KIF18A: variants seen among roughly 807,000 people sequenced by gnomAD.
KIF18A encodes the protein kinesin family member 18A, also known as kinesin-like protein KIF18A.
A neutral mutation model predicts 103.3 loss-of-function variants in KIF18A; 67 were observed. The ratio of observed to expected loss-of-function variants is 0.65; its 90% CI spans 0.53 to 0.79. The LOEUF is 0.79. Among genes scored for constraint, KIF18A ranks in the 30% least tolerant of loss-of-function variants. The pLI is 0.00. For missense variants in KIF18A, 1,032 were observed against 1,062.5 expected (o/e 0.97, Z 0.40); for synonymous variants, 367 against 355.5 (o/e 1.03, Z -0.36).
rs749791296 is a variant in KIF18A, at chr11:28,035,349, A to G, written c.2504+38T>C. 17 of 1,104,560 alleles carry G rather than the reference A, an allele frequency of 1.5e-5. No homozygotes were observed. The South Asian group carries it at 2.5e-4, about 16-fold the overall frequency. The allele number at this position is 1,104,560 out of a possible 1,614,324, so 68.4% of individuals were successfully genotyped here. A position where few individuals can be genotyped will look rare whatever the true frequency, so the allele number is the denominator to read the frequency against. On this transcript the variant is annotated intron_variant, in intron 15 of 16. Coordinates refer to ENST00000263181, the MANE Select transcript of KIF18A (RefSeq NM_031217.4). ...ATATAATATATAAAGATTATCTTAT[A>G]TAACTACAGAACCAAACCAGTTTAT...
chr11:28,068,220 A>T (rs1422647900), intron 11 of KIF18A, among the ~76,000 whole-genome samples: 1 of 152,118 alleles, frequency 6.6e-6, no homozygotes, highest in Non-Finnish European at 1.5e-5. Flanking sequence ...GAGTTGAACA[A>T]TGAGAACACA....
intron 12 of KIF18A, among the ~76,000 whole-genome samples, chr11:28,059,418 A>G (rs887271077): frequency 6.6e-6 from 1 of 151,958 alleles, no homozygotes; most frequent in Non-Finnish European, 1.5e-5. Context: ...TTGAGGGCTA[A>G]ATGAGTTAAG....
chr11:28,092,744 T>C (rs1851322305), intron 3 of KIF18A, among the ~76,000 whole-genome samples: 1 of 152,228 alleles, frequency 6.6e-6, no homozygotes. Flanking sequence ...CTCATAGTGA[T>C]AATTCATTGC....
chr11:28,025,258 A>C (rs1179988444), intron 15 of KIF18A, among the ~76,000 whole-genome samples: 1 of 152,086 alleles, frequency 6.6e-6, no homozygotes, highest in Non-Finnish European at 1.5e-5. Flanking sequence ...CAACTACAGT[A>C]GTCCCCACTT....
chr11:28,046,739 GA>G (rs11431907), intron 13 of KIF18A, among the ~76,000 whole-genome samples: 8 of 131,486 alleles, frequency 6.1e-5, no homozygotes, highest in African/African-American at 1.1e-4. Context: ...GAAATTAAAT[GA>G]AAAAAAAAAA....
At position 28,036,221 on chromosome 11, in the gene KIF18A, G is replaced by T. The variant is rs748304631; in HGVS notation, c.2392C>A (p.Gln798Lys). Residue 798 changes from glutamine (Q) to lysine (K), a missense_variant, in exon 14 of 17, where the codon CAA becomes AAA. Gln to Lys is a moderately conservative substitution (Grantham distance 53). Transcript: ENST00000263181. ...GCAAATATTATTTTTTTGTACCGTT[G>T]TAAAATGTCTTTGTTATCATTTGGT... The part of the protein sequence containing the change: ...SLPNDNKDIL[Q>K]RLDPSSFSTK... The T allele has an allele frequency of 1.9e-6, 3 of 1,566,326 alleles. No individual in the cohort carries two copies. The highest frequency in any genetic ancestry group is 2.4e-5 in the South Asian group (2 of 84,470).
At chr11:28,043,868 T>G (rs1431954241) in intron 13 of KIF18A, among the ~76,000 whole-genome samples, 1 of 151,648 alleles carries the variant, frequency 6.6e-6, no homozygotes. Context: ...CATTTGATTA[T>G]TTTATATAAT....
intron 15 of KIF18A, among the ~76,000 whole-genome samples, chr11:28,031,340 G>T (rs1053755316): frequency 7.2e-4 from 109 of 152,158 alleles, no homozygotes; most frequent in African/African-American, 2.3e-3. Flanking sequence ...CACCATGGAA[G>T]ACTATGCAGC....
intron 13 of KIF18A, among the ~76,000 whole-genome samples, chr11:28,042,470 T>C (rs907536719): frequency 6.6e-6 from 1 of 151,976 alleles, no homozygotes; most frequent in Non-Finnish European, 1.5e-5. Flanking sequence ...TAATATTTTG[T>C]TAGTATAGCA....
At chr11:28,023,883 AT>A (rs34088899) in intron 15 of KIF18A, 33 bp from the exon 16 acceptor site, 573,273 of 1,119,780 alleles carry the variant, frequency 0.51, 154,020 homozygotes, top group Admixed American at 0.6. Context: ...TTAGTTAAGC[AT>A]TTTTTTTATA....
At chr11:28,056,759 CTAT>C (rs1178862678) in intron 13 of KIF18A, 1 of 167,272 alleles carries the variant, frequency 6.0e-6, no homozygotes, top group Non-Finnish European at 1.5e-5. Flanking sequence ...CTTCAACAGA[CTAT>C]TATTCTCTGT....
At chr11:28,031,386 C>G (rs1395215666) in intron 15 of KIF18A, among the ~76,000 whole-genome samples, 1 of 151,966 alleles carries the variant, frequency 6.6e-6, no homozygotes, top group Non-Finnish European at 1.5e-5. Flanking sequence ...TTTGTAGGGA[C>G]AGGATGAAGC....
At chr11:28,029,340 TG>T (rs1850364692) in intron 15 of KIF18A, among the ~76,000 whole-genome samples, 1 of 152,122 alleles carries the variant, frequency 6.6e-6, no homozygotes, top group Admixed American at 6.6e-5. Context: ...CATGAGCAAG[TG>T]GGCTTCATCC....
At chr11:28,049,403 A>T (rs1193682082) in intron 13 of KIF18A, among the ~76,000 whole-genome samples, 2 of 152,024 alleles carry the variant, frequency 1.3e-5, no homozygotes. Context: ...GTGCCATATC[A>T]TGTGTTCTGA....
intron 12 of KIF18A, among the ~76,000 whole-genome samples, chr11:28,061,465 G>T (rs1057343095): frequency 1.8e-4 from 27 of 152,050 alleles, no homozygotes; most frequent in African/African-American, 6.5e-4. Context: ...TTCATCTGGG[G>T]TCTGATATAG....
intron 2 of KIF18A, chr11:28,097,389 T>C (rs1041727076): frequency 2.1e-6 from 1 of 475,044 alleles, no homozygotes; most frequent in East Asian, 3.8e-5. Context: ...CAGATGTCTA[T>C]AGGGGCCACA....
chr11:28,102,100 T>C (rs1170644666), intron 1 of KIF18A, among the ~76,000 whole-genome samples: 1 of 152,182 alleles, frequency 6.6e-6, no homozygotes, highest in East Asian at 1.9e-4. Flanking sequence ...CCACGTTCTA[T>C]AGAGAATCCC....
At chr11:28,042,896 TTGTATA>T (rs1215535778) in intron 13 of KIF18A, among the ~76,000 whole-genome samples, 7 of 151,944 alleles carry the variant, frequency 4.6e-5, no homozygotes, top group Middle Eastern at 3.4e-3. Context: ...CTAAAGAGTA[TTGTATA>T]GCTCAGACTC....
intron 16 of KIF18A, among the ~76,000 whole-genome samples, chr11:28,023,164 G>A (rs1023587261): frequency 6.6e-6 from 1 of 152,150 alleles, no homozygotes; most frequent in Non-Finnish European, 1.5e-5. Context: ...TTTAACTGAA[G>A]TGGTTTTGTT....
Sources: gnomAD v4.1 joint callset for allele counts (sites outside exome capture counted in the v4.1 genomes callset) on GRCh38, gnomAD v4.1.1 for gene constraint, MANE v1.5 for transcripts, NCBI Gene and HGNC (gene_info 2026-07-23, HGNC 2026-07-21) for gene names.